NELL1: variants seen among roughly 807,000 people sequenced by gnomAD.
NELL1 encodes neural EGFL like 1, also known as protein kinase C-binding protein NELL1.
In NELL1, 76 loss-of-function variants were observed where a neutral mutation model predicts 107.4. That is an observed-to-expected ratio of 0.71 (90% CI 0.59 to 0.86). The LOEUF (loss-of-function observed/expected upper bound fraction) is 0.86. NELL1 is among the 40% of genes least tolerant of loss of function. NELL1 has a pLI of 0.00. For synonymous variants in NELL1, 353 were observed against 341.2 expected, an observed-to-expected ratio of 1.03 and a Z score of -0.38; for missense variants, 1,024 against 1,005.5, an observed-to-expected ratio of 1.02 and a Z score of -0.25.
intron 5 of NELL1, among the ~76,000 whole-genome samples, chr11:20,903,597 A>G (rs942124793): frequency 3.9e-5 from 6 of 152,092 alleles, no homozygotes; most frequent in Non-Finnish European, 5.9e-5. Context: ...CCTTATCTCT[A>G]TAAGGAGCCC....
intron 17 of NELL1, among the ~76,000 whole-genome samples, chr11:21,561,661 C>T (rs572307837): frequency 6.6e-6 from 1 of 152,072 alleles, no homozygotes; most frequent in African/African-American, 2.4e-5. Flanking sequence ...TAACACTCTA[C>T]GATGATATTT....
chr11:21,435,538 TG>T (rs1360442629), intron 15 of NELL1, among the ~76,000 whole-genome samples: 3 of 151,978 alleles, frequency 2.0e-5, no homozygotes, highest in African/African-American at 7.2e-5. Flanking sequence ...TAGCTTTTAT[TG>T]TATGCTTTTT....
intron 2 of NELL1, among the ~76,000 whole-genome samples, chr11:20,751,688 C>T (rs907319873): frequency 2.6e-5 from 4 of 151,072 alleles, no homozygotes. Flanking sequence ...TGAAGTCTTG[C>T]TGTGTTGCTC....
intron 14 of NELL1, among the ~76,000 whole-genome samples, chr11:21,348,704 A>T (rs564707375): frequency 6.6e-6 from 1 of 152,188 alleles, no homozygotes; most frequent in Non-Finnish European, 1.5e-5. Context: ...TTGTGGTAGC[A>T]TGGAGCAAAA....
intron 15 of NELL1, among the ~76,000 whole-genome samples, chr11:21,388,982 A>G (rs1002694950): frequency 1.3e-5 from 2 of 151,830 alleles, no homozygotes; most frequent in South Asian, 2.1e-4. Flanking sequence ...TAAGTCAAGT[A>G]AGTACATTCC....
chr11:21,339,726 A>G (rs1239913445), intron 14 of NELL1, among the ~76,000 whole-genome samples: 1 of 152,116 alleles, frequency 6.6e-6, no homozygotes, highest in African/African-American at 2.4e-5. Context: ...AATTGTAGCT[A>G]CCAATAAGAA....
rs1554953002 is a variant in NELL1, at chr11:20,975,920, C to CATATGTGTACATATATGTGT, written c.1300+15361_1300+15362insTATGTGTACATATATGTGTA. 3.4e-4 allele frequency among the ~76,000 whole-genome samples: 37 copies of CATATGTGTACATATATGTGT among 108,450 alleles called. 1 individual carries two copies. The highest frequency in any genetic ancestry group is 1.4e-3 in the African/African-American group (35 of 24,496). The allele number at this position is 108,450 out of a possible 152,430, so 71.1% of individuals were successfully genotyped here. A position where few individuals can be genotyped will look rare whatever the true frequency, so the allele number is the denominator to read the frequency against. ...TACATATATGTGTATTATATAAACA[C>CATATGTGTACATATATGTGT]ACATATATGTACATATATGTGTACA... On this transcript the variant is annotated intron_variant, in intron 12 of 19. Coordinates refer to ENST00000357134, the MANE Select transcript of NELL1 (RefSeq NM_006157.5).
At chr11:20,840,961 C>G (rs143402837) in intron 3 of NELL1, among the ~76,000 whole-genome samples, 144 of 152,328 alleles carry the variant, frequency 9.5e-4, no homozygotes, top group African/African-American at 3.4e-3. Context: ...TACTTATAGA[C>G]TAGCAATAAC....
intron 13 of NELL1, among the ~76,000 whole-genome samples, chr11:21,170,869 A>G (rs2133812081): frequency 6.6e-6 from 1 of 151,562 alleles, no homozygotes; most frequent in East Asian, 1.9e-4. Context: ...CTATTAACTT[A>G]CCCTTTTTCT....
intron 14 of NELL1, among the ~76,000 whole-genome samples, chr11:21,244,447 G>A (rs1414201558): frequency 6.6e-6 from 1 of 151,970 alleles, no homozygotes; most frequent in Non-Finnish European, 1.5e-5. Context: ...GCACTTAGTG[G>A]GATCATACTT....
intron 12 of NELL1, among the ~76,000 whole-genome samples, chr11:21,035,412 C>G (rs1430421794): frequency 6.8e-6 from 1 of 147,842 alleles, no homozygotes; most frequent in Non-Finnish European, 1.5e-5. Flanking sequence ...CTGGTAGAGA[C>G]ACAACAAAAA....
At chr11:21,232,159 A>AAATATATTTATATAT (rs1554985116) in intron 14 of NELL1, among the ~76,000 whole-genome samples, 1 of 73,208 alleles carries the variant, frequency 1.4e-5, no homozygotes, top group Admixed American at 1.5e-4. Flanking sequence ...AAAAAAAAAA[A>AAATATATTTATATAT]ATATATATAT....
chr11:20,967,946 C>T (rs1851419417), intron 12 of NELL1, among the ~76,000 whole-genome samples: 1 of 152,176 alleles, frequency 6.6e-6, no homozygotes, highest in Admixed American at 6.5e-5. Context: ...TCCCATCACA[C>T]TGGAATTCTT....
At chr11:21,273,033 A>G (rs985025991) in intron 14 of NELL1, among the ~76,000 whole-genome samples, 4 of 152,262 alleles carry the variant, frequency 2.6e-5, no homozygotes, top group African/African-American at 9.6e-5. Flanking sequence ...CTCACCAGCA[A>G]TGGAACAAAG....
rs1435066307 is a variant in NELL1, at chr11:20,669,619, C to G, written c.-105C>G. On this transcript the variant is annotated 5_prime_UTR_variant, in exon 1 of 20. Coordinates refer to ENST00000357134, the MANE Select transcript of NELL1 (RefSeq NM_006157.5). This position sits in a 1 kb window ranked among gnomAD's most constrained non-coding sequence, Gnocchi z 4.4. Reference sequence around the variant, plus strand: ...CTGCCGAGCCACCTCCCCCGCCGCCCGCTAGCAAGTTTGGCGGCTCCAAGC... The same window carrying G: ...CTGCCGAGCCACCTCCCCCGCCGCCGGCTAGCAAGTTTGGCGGCTCCAAGC... The G allele has an allele frequency of 3.1e-6, 3 of 971,022 alleles. No individual in the cohort carries two copies. The highest frequency in any genetic ancestry group is 1.4e-5 in the South Asian group (1 of 69,748). 60.2% of individuals were successfully genotyped at this position (971,022 alleles called of 1,614,324 possible).
intron 3 of NELL1, among the ~76,000 whole-genome samples, chr11:20,830,621 T>TCAC (rs1190112999): frequency 6.6e-6 from 1 of 152,028 alleles, no homozygotes; most frequent in Non-Finnish European, 1.5e-5. Context: ...TACAGGCATG[T>TCAC]CACCACACCT....
intron 13 of NELL1, among the ~76,000 whole-genome samples, chr11:21,217,090 G>C (rs893593467): frequency 6.6e-6 from 1 of 152,066 alleles, no homozygotes; most frequent in African/African-American, 2.4e-5. Flanking sequence ...GAGTTCCCAC[G>C]AGATCTGATG....
chr11:20,774,760 C>T (rs1856715801), intron 2 of NELL1, among the ~76,000 whole-genome samples: 1 of 152,104 alleles, frequency 6.6e-6, no homozygotes, highest in South Asian at 2.1e-4. Flanking sequence ...AAGGACTGCC[C>T]TCATGTCTTT....
At chr11:21,124,319 T>A (rs1328316284) in intron 13 of NELL1, among the ~76,000 whole-genome samples, 1 of 152,210 alleles carries the variant, frequency 6.6e-6, no homozygotes, top group Non-Finnish European at 1.5e-5. Context: ...CTGGTAGGGA[T>A]AATGTCTTTC....
Sources: gnomAD v4.1 joint callset for allele counts (sites outside exome capture counted in the v4.1 genomes callset) on GRCh38, gnomAD v4.1.1 for gene constraint, Gnocchi (gnomAD v3.1) non-coding constraint, MANE v1.5 for transcripts, NCBI Gene and HGNC (gene_info 2026-07-23, HGNC 2026-07-21) for gene names.